Variants in JADE2 observed in about 807,000 individuals in gnomAD.
The protein encoded by JADE2 is jade family PHD finger 2, also known as E3 ubiquitin-protein ligase Jade-2.
In JADE2, 13 loss-of-function variants were observed where a neutral mutation model predicts 85.7. The observed-to-expected ratio is 0.15, with a 90% CI of 0.10 to 0.24. The LOEUF is 0.24. Among genes scored for constraint, JADE2 ranks in the 10% least tolerant of loss-of-function variants. The probability of loss-of-function intolerance (pLI) is 1.00; values close to 1 mark genes in which losing one functional copy is unlikely to be tolerated. For missense variants in JADE2, 846 were observed against 1,115.9 expected, an observed-to-expected ratio of 0.76 and a Z score of 3.45; for synonymous variants, 440 against 456.1, an observed-to-expected ratio of 0.96 and a Z score of 0.45.
chr5:134,528,262 G>A (rs1761002413), intron 1 of JADE2, among the ~76,000 whole-genome samples: 1 of 152,240 alleles, frequency 6.6e-6, no homozygotes, highest in African/African-American at 2.4e-5. Context: ...TTGGCAAAAG[G>A]GCTCGGCATG....
intron 1 of JADE2, chr5:134,533,705 A>T: frequency 2.2e-5 from 4 of 182,632 alleles, no homozygotes; most frequent in Non-Finnish European, 3.8e-5. Context: ...AGGAGTCAGG[A>T]TTCTGTCAGT....
rs146585603 is a variant in JADE2 at position 134,562,668 on chromosome 5, G to A, written c.852+301G>A. Among the ~76,000 whole-genome samples the A allele has an allele frequency of 1.2e-3, 186 of 152,282 alleles. 1 individual carries two copies. The highest frequency in any genetic ancestry group is 4.0e-3 in the African/African-American group (167 of 41,558). The stretch of plus-strand genomic sequence containing the variant: ...AGTCCCAGCTACTCAGGAGGCAGAG[G>A]CAGGAGAATCACTTGAACCTGGGAG... On this transcript the variant is annotated intron_variant, in intron 7 of 11. Coordinates refer to ENST00000681547, the MANE Select transcript of JADE2 (RefSeq NM_001388185.1). The surrounding 1 kb of genome is among the most constrained non-coding windows in gnomAD (Gnocchi z 4.6).
At chr5:134,548,188 C>G (rs897996395) in intron 3 of JADE2, among the ~76,000 whole-genome samples, 16 of 152,226 alleles carry the variant, frequency 1.1e-4, no homozygotes, top group South Asian at 2.1e-4. Flanking sequence ...TCGGAACTTG[C>G]AAAGACCACA....
chr5:134,582,476 A>G lies in JADE2; in HGVS notation c.*3159A>G, dbSNP rs1187178069. ...CAATTCCTAGAGATTCAACTGCCCAATTCTAACCAACATTGGCAGCGGCTG... is the reference window on the plus strand; with the variant it reads ...CAATTCCTAGAGATTCAACTGCCCAGTTCTAACCAACATTGGCAGCGGCTG... On this transcript the variant is annotated 3_prime_UTR_variant, in exon 12 of 12. Coordinates refer to ENST00000681547, the MANE Select transcript of JADE2 (RefSeq NM_001388185.1). 6.6e-6 allele frequency: 1 copy of G among 152,280 alleles called. No homozygotes were observed. Among genetic ancestry groups the G allele is most frequent in the Non-Finnish European group, 1.5e-5 (1 of 68,054 alleles). The allele number at this position is 152,280 out of a possible 1,614,324, so 9.4% of individuals were successfully genotyped here.
At chr5:134,548,962 G>T (rs1161714603) in intron 3 of JADE2, among the ~76,000 whole-genome samples, 1 of 152,224 alleles carries the variant, frequency 6.6e-6, no homozygotes, top group African/African-American at 2.4e-5. Flanking sequence ...ACTGCCAGGA[G>T]CCAGCTAGGG....
At chr5:134,551,004 G>A (rs1003119465) in intron 3 of JADE2, among the ~76,000 whole-genome samples, 1 of 152,078 alleles carries the variant, frequency 6.6e-6, no homozygotes, top group Non-Finnish European at 1.5e-5. Flanking sequence ...GACCTTGGAA[G>A]TCCCAGCTCA....
intron 1 of JADE2, among the ~76,000 whole-genome samples, chr5:134,529,337 C>CAGACA (rs1251064635): frequency 1.3e-5 from 2 of 152,178 alleles, no homozygotes; most frequent in African/African-American, 4.8e-5. Context: ...AAGCTCCTTT[C>CAGACA]AGACAGCCCA....
rs1305870402 is a variant in JADE2 at position 134,560,858 on chromosome 5, G to A, written c.585G>A (p.Glu195=). ...AIETQEGLGI[E]YDEDVVCDVC... Reference sequence around the variant, plus strand: ...AGACGCAGGAGGGGCTGGGCATCGAGTACGACGAGGATGTTGTCTGCGACG... The same window carrying A: ...AGACGCAGGAGGGGCTGGGCATCGAATACGACGAGGATGTTGTCTGCGACG... The change falls in exon 6 of 12, where the codon GAG becomes GAA. Residue 195 remains glutamate, a synonymous_variant. Coordinates refer to ENST00000681547, the MANE Select transcript of JADE2 (RefSeq NM_001388185.1). 1.2e-6 allele frequency: 2 copies of A among 1,614,118 alleles called. No individual in the cohort carries two copies. The highest frequency in any genetic ancestry group is 3.3e-5 in the Admixed American group (2 of 60,006).
chr5:134,573,909 C>G (rs1208962377), intron 10 of JADE2, 147 bp downstream of exon 10: 3 of 735,022 alleles, frequency 4.1e-6, no homozygotes, highest in Middle Eastern at 4.6e-4. Context: ...CTTCACCATC[C>G]AATTAGTAGG....
rs1761725064 is a variant in JADE2, at chr5:134,538,196, G to T, written c.153+113G>T. 7 of 777,604 alleles carry T rather than the reference G, an allele frequency of 9.0e-6. No homozygotes were observed. The Admixed American group carries it at 1.4e-4, about 16-fold the overall frequency. 48.2% of individuals were successfully genotyped at this position (777,604 alleles called of 1,614,324 possible). On this transcript the variant is annotated intron_variant, in intron 3 of 11. Transcript: ENST00000681547. ...GCACGGGCAGTGCAGAGGGAGGCCA[G>T]CGTGGCCGAGTGGAATGAAGGGGAG...
intron 1 of JADE2, among the ~76,000 whole-genome samples, chr5:134,535,171 T>C (rs1761507095): frequency 6.6e-6 from 1 of 152,192 alleles, no homozygotes; most frequent in African/African-American, 2.4e-5. Context: ...TTGTCCTTAA[T>C]ACCTTGAAGT....
chr5:134,576,910 A>G lies in JADE2; in HGVS notation c.1681+14A>G, dbSNP rs1212537979. 6 of 1,527,464 alleles carry G rather than the reference A, an allele frequency of 3.9e-6. No homozygotes were observed. The highest frequency in any genetic ancestry group is 1.4e-5 in the African/African-American group (1 of 72,744). 94.6% of individuals were successfully genotyped at this position (1,527,464 alleles called of 1,614,324 possible). A position where few individuals can be genotyped will look rare whatever the true frequency, so the allele number is the denominator to read the frequency against. ...TGGGGCAGCTGGGTGAGTGAGGGCC[A>G]TGCTGGCCTGCAGACACGGCAGGCT... On this transcript the variant is annotated intron_variant, in intron 11 of 11. Coordinates refer to ENST00000681547, the MANE Select transcript of JADE2 (RefSeq NM_001388185.1).
intron 11 of JADE2, 200 bp downstream of exon 11, chr5:134,577,096 G>C (rs1027477803): frequency 1.7e-6 from 1 of 595,744 alleles, no homozygotes; most frequent in Non-Finnish European, 2.8e-6. Context: ...GTGACATCCT[G>C]GGAAATGCCC....
upstream of JADE2, among the ~76,000 whole-genome samples, chr5:134,524,144 C>T (rs1760675841): frequency 6.6e-6 from 1 of 152,242 alleles, no homozygotes; most frequent in Non-Finnish European, 1.5e-5. Flanking sequence ...TCCCCACAAC[C>T]TCCTCCCGAG....
rs201578103 is a variant in JADE2, at chr5:134,556,910, G to GCA, written c.312-2909_312-2908dup. Among the ~76,000 whole-genome samples, 72 of 100,138 alleles carry GCA rather than the reference G, an allele frequency of 7.2e-4. 1 individual carries two copies. Among genetic ancestry groups the GCA allele is most frequent in the African/African-American group, 2.9e-3 (68 of 23,846 alleles). The allele number at this position is 100,138 out of a possible 152,430, so 65.7% of individuals were successfully genotyped here. ...AAAACACACCCCACACATACCACAT[G>GCA]CACACACACACATCACACAGCACAC... On this transcript the variant is annotated intron_variant, in intron 4 of 11. Transcript: ENST00000681547.
At chr5:134,539,043 T>TTTATTTATTTATTTA (rs1554124816) in intron 3 of JADE2, among the ~76,000 whole-genome samples, 3 of 134,378 alleles carry the variant, frequency 2.2e-5, no homozygotes, top group East Asian at 2.1e-4. Context: ...TTTATTTTTA[T>TTTATTTATTTATTTA]TTTATTTATT....
chr5:134,539,854 G>A (rs2149889784), intron 3 of JADE2, among the ~76,000 whole-genome samples: 1 of 152,108 alleles, frequency 6.6e-6, no homozygotes, highest in South Asian at 2.1e-4. Context: ...TCTGAAAAAG[G>A]ACTCCGCCTT....
At chr5:134,568,930 G>A (rs924536349) in intron 9 of JADE2, among the ~76,000 whole-genome samples, 4 of 152,234 alleles carry the variant, frequency 2.6e-5, no homozygotes, top group African/African-American at 9.6e-5. Context: ...CCTGTAACTG[G>A]GCACTAAGCC....
At chr5:134,545,325 A>C (rs1762230648) in intron 3 of JADE2, among the ~76,000 whole-genome samples, 1 of 152,200 alleles carries the variant, frequency 6.6e-6, no homozygotes, top group Non-Finnish European at 1.5e-5. Flanking sequence ...CTTGTCTTGC[A>C]AAAGAAATGT....
Sources: gnomAD v4.1 joint callset for allele counts (sites outside exome capture counted in the v4.1 genomes callset) on GRCh38, gnomAD v4.1.1 for gene constraint, Gnocchi (gnomAD v3.1) non-coding constraint, MANE v1.5 for transcripts, NCBI Gene and HGNC (gene_info 2026-07-23, HGNC 2026-07-21) for gene names.